Variants in EYS observed in about 807,000 individuals in gnomAD.
EYS encodes the protein EGF-like photoreceptor maintenance factor.
Under a neutral mutation model 282.1 loss-of-function variants are expected in EYS, and 250 were observed. The ratio of observed to expected loss-of-function variants is 0.89; its 90% CI spans 0.80 to 0.98. The LOEUF (loss-of-function observed/expected upper bound fraction) is 0.98. Among genes scored for constraint, EYS ranks in the 50% least tolerant of loss-of-function variants. EYS has a pLI of 0.00. For synonymous variants in EYS, 1,355 were observed against 1,282.9 expected, an observed-to-expected ratio of 1.06 and a Z score of -1.20; for missense variants, 4,016 against 3,709.0, an observed-to-expected ratio of 1.08 and a Z score of -2.15.
intron 26 of EYS, among the ~76,000 whole-genome samples, chr6:64,441,540 C>T (rs755239430): frequency 7.2e-5 from 11 of 152,184 alleles, no homozygotes; most frequent in Non-Finnish European, 7.4e-5. Flanking sequence ...GTGGTCTAGT[C>T]GGAGCAAAAG....
intron 12 of EYS, among the ~76,000 whole-genome samples, chr6:65,159,605 C>T (rs1386471768): frequency 2.0e-5 from 3 of 150,726 alleles, no homozygotes; most frequent in African/African-American, 7.3e-5. Context: ...CTGAGTTTTC[C>T]CAGATAAGTC....
intron 12 of EYS, among the ~76,000 whole-genome samples, chr6:65,102,131 A>G (rs952271372): frequency 6.6e-6 from 1 of 151,396 alleles, no homozygotes; most frequent in Non-Finnish European, 1.5e-5. Flanking sequence ...CATAGAAAAA[A>G]CTATCTTTGA....
At chr6:64,654,847 G>A (rs1422736530) in intron 22 of EYS, among the ~76,000 whole-genome samples, 5 of 151,998 alleles carry the variant, frequency 3.3e-5, no homozygotes, top group Admixed American at 1.3e-4. Context: ...AAAAGTCACC[G>A]GCTAAATGTC....
intron 35 of EYS, among the ~76,000 whole-genome samples, chr6:63,968,932 C>T (rs1766428918): frequency 6.6e-6 from 1 of 152,184 alleles, no homozygotes; most frequent in Non-Finnish European, 1.5e-5. Flanking sequence ...CTATATTACA[C>T]AAAGCGTACT....
chr6:63,735,570 G>A (rs1199613607), intron 41 of EYS, among the ~76,000 whole-genome samples: 1 of 151,802 alleles, frequency 6.6e-6, no homozygotes, highest in Non-Finnish European at 1.5e-5. Flanking sequence ...TAAAGATGCA[G>A]TGTCCTACAA....
In EYS at chr6:65,340,786, T is replaced by C. The variant is rs189691156; in HGVS notation, c.1599+3252A>G. 2.6e-5 allele frequency among the ~76,000 whole-genome samples: 4 copies of C among 151,284 alleles called. No individual in the cohort carries two copies. In the East Asian group the frequency reaches 7.8e-4, roughly 29 times the overall value. On this transcript the variant is annotated intron_variant, in intron 10 of 42. Transcript: ENST00000503581. Reference sequence around the variant, plus strand: ...AGAAGTCTAAAATAATTAGTTTTTCTCCATCACCAGAATAGTCTGGTGGTC... The same window carrying C: ...AGAAGTCTAAAATAATTAGTTTTTCCCCATCACCAGAATAGTCTGGTGGTC...
chr6:64,029,605 C>T (rs1471189448), intron 33 of EYS, among the ~76,000 whole-genome samples: 2 of 152,198 alleles, frequency 1.3e-5, no homozygotes, highest in Non-Finnish European at 2.9e-5. Context: ...ATAGTCCAGA[C>T]TTATGCTGCC....
chr6:65,691,124 A>G (rs1414008777), intron 1 of EYS, among the ~76,000 whole-genome samples: 1 of 150,280 alleles, frequency 6.7e-6, no homozygotes, highest in Non-Finnish European at 1.5e-5. Flanking sequence ...GTCAAATGGT[A>G]CTTCTGGTTC....
intron 11 of EYS, among the ~76,000 whole-genome samples, chr6:65,325,002 A>G (rs1035303640): frequency 1.3e-5 from 2 of 152,194 alleles, no homozygotes; most frequent in Admixed American, 1.3e-4. Flanking sequence ...GTGGTGGAAG[A>G]GCTTTCGGCA....
intron 16 of EYS, among the ~76,000 whole-genome samples, chr6:64,908,017 G>A (rs773811854): frequency 1.5e-4 from 23 of 152,224 alleles, no homozygotes; most frequent in South Asian, 2.1e-4. Context: ...TAAATCATGC[G>A]AAACATAACT....
chr6:64,144,499 G>A (rs1457303776), intron 31 of EYS, among the ~76,000 whole-genome samples: 1 of 152,148 alleles, frequency 6.6e-6, no homozygotes, highest in Non-Finnish European at 1.5e-5. Flanking sequence ...AGTGTGCTTG[G>A]AGGCAGGCAC....
chr6:64,393,868 T>A (rs1773255920), intron 28 of EYS, among the ~76,000 whole-genome samples: 1 of 151,978 alleles, frequency 6.6e-6, no homozygotes. Context: ...GACATGATTG[T>A]ATATCTAGAA....
intron 41 of EYS, among the ~76,000 whole-genome samples, chr6:63,749,156 G>T (rs905377405): frequency 6.6e-6 from 1 of 152,194 alleles, no homozygotes; most frequent in Non-Finnish European, 1.5e-5. Flanking sequence ...TGTCTTAGCT[G>T]TGTCCCAGAG....
chr6:64,696,500 C>A (rs1770586144), intron 22 of EYS, among the ~76,000 whole-genome samples: 1 of 151,996 alleles, frequency 6.6e-6, no homozygotes, highest in Non-Finnish European at 1.5e-5. Context: ...AAGAGTCCCC[C>A]AAAATTCCAG....
intron 12 of EYS, among the ~76,000 whole-genome samples, chr6:65,271,371 G>A (rs1205554891): frequency 6.6e-6 from 1 of 150,864 alleles, no homozygotes; most frequent in East Asian, 2.0e-4. Flanking sequence ...TAGGGAAGAG[G>A]GCAAATTCAA....
intron 33 of EYS, among the ~76,000 whole-genome samples, chr6:64,007,661 T>C (rs1315861783): frequency 6.6e-6 from 1 of 152,186 alleles, no homozygotes; most frequent in Non-Finnish European, 1.5e-5. Flanking sequence ...GCTTTAGCTG[T>C]GCCCCAGGAA....
At chr6:64,133,131 T>A (rs905814581) in intron 31 of EYS, among the ~76,000 whole-genome samples, 15 of 151,834 alleles carry the variant, frequency 9.9e-5, no homozygotes, top group African/African-American at 3.6e-4. Context: ...GAATAATTAG[T>A]ATTTTTTGTA....
chr6:65,201,800 C>CA (rs59775853), intron 12 of EYS, among the ~76,000 whole-genome samples: 16 of 151,966 alleles, frequency 1.1e-4, no homozygotes, highest in African/African-American at 2.9e-4. Context: ...CTAAGCCACA[C>CA]AAAAAAATGA....
intron 30 of EYS, among the ~76,000 whole-genome samples, chr6:64,232,134 G>A (rs187043455): frequency 1.6e-3 from 244 of 151,992 alleles, no homozygotes; most frequent in African/African-American, 4.7e-3. Context: ...CAGTTCTTTC[G>A]CAACCTGAAA....
Sources: allele counts gnomAD v4.1 joint callset (sites outside exome capture counted in the v4.1 genomes callset), GRCh38; gene constraint gnomAD v4.1.1; transcripts MANE v1.5; gene names NCBI Gene and HGNC (gene_info 2026-07-23, HGNC 2026-07-21).